The following PRLR variants were observed in gnomAD, a reference collection of about 807,000 sequenced individuals.
PRLR encodes prolactin receptor, also known as hPRL receptor.
Under a neutral mutation model 40.2 loss-of-function variants are expected in PRLR, and 13 were observed. That is an observed-to-expected ratio of 0.32 (90% CI 0.21 to 0.51). The LOEUF is 0.51. Ranked by LOEUF, PRLR falls within the 20% of genes least tolerant of loss-of-function variation. PRLR has a pLI of 0.97. For missense variants in PRLR, 656 were observed against 747.3 expected (o/e 0.88, Z 1.42); for synonymous variants, 269 against 278.7 (o/e 0.97, Z 0.35).
rs398050398 is a variant in PRLR at position 35,129,669 on chromosome 5, AT to A, written c.-105-11548del. Among the ~76,000 whole-genome samples, 130 of 146,438 alleles carry A rather than the reference AT, an allele frequency of 8.9e-4. No homozygotes were observed. In the Middle Eastern group the frequency reaches 0.01, roughly 12 times the overall value. On this transcript the variant is annotated intron_variant, in intron 1 of 9. Transcript: ENST00000618457. ...TGATAGGTTTTAAGCACTGTAATCA[AT>A]TTTTTTTTTTTTACTCATTGGGTAC...
chr5:35,093,425 A>G (rs1771343063), intron 2 of PRLR, among the ~76,000 whole-genome samples: 2 of 152,078 alleles, frequency 1.3e-5, no homozygotes, highest in Admixed American at 1.3e-4. Flanking sequence ...CAGCCCTACC[A>G]TTCTGTGGAA....
chr5:35,183,661 T>G (rs1300324207), intron 1 of PRLR, among the ~76,000 whole-genome samples: 1 of 152,174 alleles, frequency 6.6e-6, no homozygotes, highest in Admixed American at 6.5e-5. Context: ...TTTTTTCCCT[T>G]CAGTTCACAC....
chr5:35,111,796 T>C (rs1315623663), intron 2 of PRLR, among the ~76,000 whole-genome samples: 2 of 152,244 alleles, frequency 1.3e-5, no homozygotes, highest in Admixed American at 6.5e-5. Context: ...CAATCTAATA[T>C]ACATATCTCT....
At chr5:35,070,064 G>A in intron 7 of PRLR, 60 bp downstream of exon 7, 1 of 1,542,640 alleles carries the variant, frequency 6.5e-7, no homozygotes, top group Non-Finnish European at 8.8e-7. Context: ...GTTATTATAT[G>A]CAAATATACC....
intron 1 of PRLR, among the ~76,000 whole-genome samples, chr5:35,154,118 T>C (rs1183710533): frequency 6.6e-6 from 1 of 152,196 alleles, no homozygotes; most frequent in African/African-American, 2.4e-5. Flanking sequence ...TAAAATATAC[T>C]TGAATATATT....
chr5:35,050,869 A>C (rs1334300169), downstream of PRLR, among the ~76,000 whole-genome samples: 1 of 152,256 alleles, frequency 6.6e-6, no homozygotes, highest in Non-Finnish European at 1.5e-5. Flanking sequence ...TACAATTTAC[A>C]TGAAACTTCA....
Position 35,065,909 on chromosome 5 carries a change from C to A in PRLR, c.1049G>T (p.Gly350Val). 1 of 1,614,128 alleles carries A rather than the reference C, an allele frequency of 6.2e-7. No individual in the cohort carries two copies. The highest frequency in any genetic ancestry group is 1.1e-5 in the South Asian group (1 of 91,072). The change falls in exon 10 of 10, where the codon GGC (glycine) becomes GTC (valine). Residue 350 changes from glycine to valine, a missense_variant. By Grantham distance (109) the Gly-to-Val change is moderately radical. Transcript: ENST00000618457. ...PTYLDPDTDS[G>V]RGSCDSPSLL... is the part of the protein sequence containing the mutation. The stretch of plus-strand genomic sequence containing the variant: ...GGAAGGGCTGTCACAGCTCCCCCGG[C>A]CTGAGTCAGTGTCAGGATCCAGGTA...
At chr5:35,161,239 C>T (rs1244738586) in intron 1 of PRLR, among the ~76,000 whole-genome samples, 8 of 152,186 alleles carry the variant, frequency 5.3e-5, no homozygotes, top group East Asian at 1.9e-4. Flanking sequence ...CAGTTACCTG[C>T]GCAACCCTAG....
intron 1 of PRLR, among the ~76,000 whole-genome samples, chr5:35,132,824 G>C (rs1773729699): frequency 6.6e-6 from 1 of 152,296 alleles, no homozygotes; most frequent in African/African-American, 2.4e-5. Context: ...GGCTAATTTT[G>C]TGTCAACTTG....
intron 1 of PRLR, among the ~76,000 whole-genome samples, chr5:35,221,344 C>G (rs7731880): frequency 0.11 from 16,705 of 152,180 alleles, 1,000 homozygotes; most frequent in East Asian, 0.16. Context: ...AATTAATTAG[C>G]AAGCTTCTGG....
chr5:35,049,107 T>C (rs1465223361), exon 9 of PRLR: 1 of 691,154 alleles, frequency 1.4e-6, no homozygotes, highest in Non-Finnish European at 2.6e-6. Flanking sequence ...CCCAGTCAAT[T>C]CTGCTTTGGG....
chr5:35,191,482 T>C (rs1444850110), intron 1 of PRLR, among the ~76,000 whole-genome samples: 9 of 152,186 alleles, frequency 5.9e-5, no homozygotes, highest in Non-Finnish European at 1.5e-5. Flanking sequence ...ACATCATTTC[T>C]AGCCTATTTT....
chr5:35,191,585 T>C (rs1775608959), intron 1 of PRLR, among the ~76,000 whole-genome samples: 1 of 152,238 alleles, frequency 6.6e-6, no homozygotes. Context: ...CTTCTGCTAA[T>C]GCAGATCTAA....
chr5:35,052,981 T>C (rs1189498622), downstream of PRLR, among the ~76,000 whole-genome samples: 1 of 152,232 alleles, frequency 6.6e-6, no homozygotes, highest in Non-Finnish European at 1.5e-5. Context: ...CAAATAAATT[T>C]GTATGCCTTT....
At chr5:35,209,572 G>T (rs1245907410) in intron 1 of PRLR, among the ~76,000 whole-genome samples, 1 of 152,200 alleles carries the variant, frequency 6.6e-6, no homozygotes, top group Non-Finnish European at 1.5e-5. Flanking sequence ...ATACCAAGTA[G>T]ATGTTAATGA....
chr5:35,198,259 G>A (rs1256886551), intron 1 of PRLR, among the ~76,000 whole-genome samples: 1 of 152,258 alleles, frequency 6.6e-6, no homozygotes, highest in Non-Finnish European at 1.5e-5. Context: ...TACTCCAGCA[G>A]TGCTGGCCCT....
chr5:35,204,554 G>A (rs1036040985), intron 1 of PRLR, among the ~76,000 whole-genome samples: 2 of 152,136 alleles, frequency 1.3e-5, no homozygotes, highest in African/African-American at 4.8e-5. Flanking sequence ...TATTACCCCA[G>A]TGGAATAATG....
chr5:35,125,833 T>C (rs1381856053), intron 1 of PRLR, among the ~76,000 whole-genome samples: 1 of 152,320 alleles, frequency 6.6e-6, no homozygotes, highest in South Asian at 2.1e-4. Flanking sequence ...GAGAGGGGAA[T>C]GTTAGCAGGC....
chr5:35,061,574 GAGTCTGTTATAT>G lies in PRLR; in HGVS notation c.*3503_*3514del, dbSNP rs1324520053. 2.0e-5 allele frequency: 3 copies of G among 152,122 alleles called. No homozygotes were observed. Among genetic ancestry groups the G allele is most frequent in the Non-Finnish European group, 4.4e-5 (3 of 68,034 alleles). 9.4% of individuals were successfully genotyped at this position (152,122 alleles called of 1,614,324 possible). A position where few individuals can be genotyped will look rare whatever the true frequency, so the allele number is the denominator to read the frequency against. On this transcript the variant is annotated 3_prime_UTR_variant, in exon 10 of 10. Transcript: ENST00000618457. ...GGTCTTAGGCACTTAGGAAAATGTA[GAGTCTGTTATAT>G]AGCTAATAAATGTAGGATCTGTTAA...
Sources: gnomAD v4.1 joint callset for allele counts (sites outside exome capture counted in the v4.1 genomes callset) on GRCh38, gnomAD v4.1.1 for gene constraint, MANE v1.5 for transcripts, NCBI Gene and HGNC (gene_info 2026-07-23, HGNC 2026-07-21) for gene names.